GAPVD1: variants seen among roughly 807,000 people sequenced by gnomAD.
The protein encoded by GAPVD1 is GTPase activating protein and VPS9 domains 1, also known as GTPase-activating protein and VPS9 domain-containing protein 1.
Under a neutral mutation model 155.5 loss-of-function variants are expected in GAPVD1, and 35 were observed. The observed-to-expected ratio is 0.23, with a 90% CI of 0.17 to 0.30. GAPVD1 has a LOEUF of 0.30. GAPVD1 is among the 10% of genes least tolerant of loss of function. The probability of loss-of-function intolerance (pLI) is 1.00; values close to 1 mark genes in which losing one functional copy is unlikely to be tolerated. For synonymous variants in GAPVD1, 636 were observed against 619.7 expected, an observed-to-expected ratio of 1.03 and a Z score of -0.39; for missense variants, 1,429 against 1,775.7, an observed-to-expected ratio of 0.80 and a Z score of 3.51.
At chr9:125,359,842 T>C (rs1260482360) in intron 26 of GAPVD1, 1 of 211,654 alleles carries the variant, frequency 4.7e-6, no homozygotes, top group Non-Finnish European at 9.4e-6. Context: ...GAGTGAGATA[T>C]GCTGTCTCAG....
intron 4 of GAPVD1, among the ~76,000 whole-genome samples, chr9:125,301,437 A>C (rs926121109): frequency 9.2e-5 from 14 of 151,432 alleles, no homozygotes; most frequent in Non-Finnish European, 8.8e-5. Context: ...CAAACTGATA[A>C]TTTTCTTTCT....
chr9:125,268,321 A>G (rs1304661160), intron 1 of GAPVD1, among the ~76,000 whole-genome samples: 1 of 151,692 alleles, frequency 6.6e-6, no homozygotes, highest in Non-Finnish European at 1.5e-5. Flanking sequence ...GTCTCCAGTG[A>G]TGGCACATAG....
chr9:125,323,085 T>A lies in GAPVD1; in HGVS notation c.1733-713T>A, dbSNP rs1844609648. Reference sequence around the variant, plus strand: ...AAAAAAAAAAGAAGAAAAAGCTCTATAACAAGCAACTTTAGATTAATTATT... The same window carrying A: ...AAAAAAAAAAGAAGAAAAAGCTCTAAAACAAGCAACTTTAGATTAATTATT... On this transcript the variant is annotated intron_variant, in intron 10 of 27. Transcript: ENST00000297933. Among the ~76,000 whole-genome samples, 6 of 150,700 alleles carry A rather than the reference T, an allele frequency of 4.0e-5. No individual in the cohort carries two copies. In the South Asian group the frequency reaches 1.3e-3, roughly 32 times the overall value.
intron 2 of GAPVD1, among the ~76,000 whole-genome samples, chr9:125,282,146 G>A (rs938063322): frequency 5.3e-5 from 8 of 152,108 alleles, no homozygotes; most frequent in African/African-American, 1.9e-4. Flanking sequence ...GGGCATAGTG[G>A]CGTATGCCTG....
At chr9:125,341,082 C>G in intron 17 of GAPVD1, 95 bp from the exon 18 acceptor site, 2 of 774,870 alleles carry the variant, frequency 2.6e-6, no homozygotes, top group South Asian at 2.8e-5. Flanking sequence ...GAGATCCTAT[C>G]TCAAAACAAA....
At chr9:125,343,544 A>T (rs897217771) in intron 19 of GAPVD1, among the ~76,000 whole-genome samples, 2 of 152,226 alleles carry the variant, frequency 1.3e-5, no homozygotes, top group South Asian at 2.1e-4. Context: ...ATCCTAGCAT[A>T]TAAGTCCTTG....
chr9:125,281,174 C>T (rs143973849), intron 2 of GAPVD1, among the ~76,000 whole-genome samples: 2 of 152,136 alleles, frequency 1.3e-5, no homozygotes, highest in East Asian at 1.9e-4. Context: ...TTTTCTAGGC[C>T]GTGGTGGTTA....
chr9:125,281,847 C>T lies in GAPVD1; in HGVS notation c.-150+12863C>T, dbSNP rs887849131. ...GCTTTTTTTTTTTGATGGAGTCTCG[C>T]TCTGTCACCCAGGCTGGAATACAGT... On this transcript the variant is annotated intron_variant, in intron 2 of 27. Coordinates refer to ENST00000297933, the MANE Select transcript of GAPVD1 (RefSeq NM_001282680.3). Among the ~76,000 whole-genome samples, 7 of 151,646 alleles carry T rather than the reference C, an allele frequency of 4.6e-5. No individual in the cohort carries two copies. In the East Asian group the frequency reaches 1.4e-3, roughly 30 times the overall value.
intron 10 of GAPVD1, among the ~76,000 whole-genome samples, chr9:125,322,046 T>C (rs1218186152): frequency 6.6e-6 from 1 of 152,134 alleles, no homozygotes; most frequent in Non-Finnish European, 1.5e-5. Flanking sequence ...GAAATGAGAA[T>C]ATGTCATTTT....
Position 125,337,437 on chromosome 9 carries a change from C to T in GAPVD1, c.2723C>T (p.Ser908Phe). 6.2e-7 allele frequency: 1 copy of T among 1,614,172 alleles called. No individual in the cohort carries two copies. The highest frequency in any genetic ancestry group is 8.5e-7 in the Non-Finnish European group (1 of 1,180,008). ...AGCAGGAGCTCTGATATAGTATCTT[C>T]TGTCCGGAGACCCATGAGTGACCCC... ...VRSRSSDIVS[S>F]VRRPMSDPSW... The change falls in exon 17 of 28, where the codon TCT (serine) becomes TTT (phenylalanine). Residue 908 changes from serine to phenylalanine, a missense_variant. This residue lies in a region of GAPVD1 where 699 missense variants were observed against 826.0 expected (regional missense o/e 0.85). Coordinates refer to ENST00000297933, the MANE Select transcript of GAPVD1 (RefSeq NM_001282680.3).
Position 125,298,921 on chromosome 9 carries a change from G to T in GAPVD1, c.-1G>T. The T allele has an allele frequency of 6.3e-7, 1 of 1,588,552 alleles. No individual in the cohort carries two copies. The highest frequency in any genetic ancestry group is 8.6e-7 in the Non-Finnish European group (1 of 1,166,258). ...GCCTTTGAGCCTTTCCCACATTGAA[G>T]ATGGTGAAACTAGATATTCATACTC... On this transcript the variant is annotated 5_prime_UTR_variant, in exon 4 of 28. Transcript: ENST00000297933.
intron 9 of GAPVD1, among the ~76,000 whole-genome samples, chr9:125,318,112 G>A (rs1056699379): frequency 1.3e-5 from 2 of 152,212 alleles, no homozygotes; most frequent in Admixed American, 1.3e-4. Flanking sequence ...AGCTTCCCTA[G>A]TAGCTGGGAC....
intron 2 of GAPVD1, among the ~76,000 whole-genome samples, chr9:125,270,287 G>C (rs926822098): frequency 6.6e-6 from 1 of 151,766 alleles, no homozygotes; most frequent in Non-Finnish European, 1.5e-5. Context: ...AAATTAGCTG[G>C]GTGTGGTGGC....
At chr9:125,341,291 G>C (rs1178000543) in intron 18 of GAPVD1, 27 bp downstream of exon 18, 2 of 1,122,474 alleles carry the variant, frequency 1.8e-6, no homozygotes, top group Admixed American at 3.9e-5. Context: ...TTAGAACGCT[G>C]TATTAGCAAT....
chr9:125,289,198 G>C (rs1373751523), intron 2 of GAPVD1, among the ~76,000 whole-genome samples: 1 of 152,198 alleles, frequency 6.6e-6, no homozygotes, highest in African/African-American at 2.4e-5. Flanking sequence ...GTAATAGGAG[G>C]TGAGGTAGGA....
intron 2 of GAPVD1, among the ~76,000 whole-genome samples, chr9:125,272,312 G>A (rs1334066778): frequency 6.6e-6 from 1 of 152,116 alleles, no homozygotes; most frequent in Non-Finnish European, 1.5e-5. Context: ...GTGAACCTCC[G>A]CGCCCAGCCA....
intron 3 of GAPVD1, among the ~76,000 whole-genome samples, chr9:125,296,653 CT>C (rs34723392): frequency 4.0e-4 from 50 of 125,284 alleles, no homozygotes; most frequent in Admixed American, 1.0e-3. Context: ...TGTGCCTGGC[CT>C]TTTTTTTTTT....
chr9:125,366,915 T>A lies in GAPVD1; in HGVS notation c.*4169T>A, dbSNP rs1052350662. On this transcript the variant is annotated 3_prime_UTR_variant, in exon 28 of 28. Coordinates refer to ENST00000297933, the MANE Select transcript of GAPVD1 (RefSeq NM_001282680.3). ...CAGCAAGGGTTCAATTCAAGAGAGA[T>A]GACGTCTCCACTTGGATAATGGCAG... 1.3e-5 allele frequency: 2 copies of A among 152,208 alleles called. No individual in the cohort carries two copies. Among genetic ancestry groups the A allele is most frequent in the Middle Eastern group, 3.2e-3 (1 of 316 alleles). The allele number at this position is 152,208 out of a possible 1,614,324, so 9.4% of individuals were successfully genotyped here. A position where few individuals can be genotyped will look rare whatever the true frequency, so the allele number is the denominator to read the frequency against.
At chr9:125,314,558 A>C (rs1247959432) in intron 9 of GAPVD1, among the ~76,000 whole-genome samples, 1 of 151,762 alleles carries the variant, frequency 6.6e-6, no homozygotes, top group Admixed American at 6.6e-5. Context: ...GGAGGCTGAG[A>C]CAGGAGAATC....
Sources: allele counts gnomAD v4.1 joint callset (sites outside exome capture counted in the v4.1 genomes callset), GRCh38; gene constraint gnomAD v4.1.1; regional missense constraint gnomAD v4.1.1; transcripts MANE v1.5; gene names NCBI Gene and HGNC (gene_info 2026-07-23, HGNC 2026-07-21).